Variants in SCP2 observed in about 807,000 individuals in gnomAD.
The protein encoded by SCP2 is sterol carrier protein 2, also known as SCP-2/3-oxoacyl-CoA thiolase.
SCP2 carries 48 observed loss-of-function variants against 71.4 expected under a neutral mutation model. That is an observed-to-expected ratio of 0.67 (90% CI 0.53 to 0.86). The LOEUF is 0.86. Ranked by LOEUF, SCP2 falls within the 40% of genes least tolerant of loss-of-function variation. The pLI is 0.00. For missense variants in SCP2, 560 were observed against 655.6 expected (o/e 0.85, Z 1.59); for synonymous variants, 220 against 218.1 (o/e 1.01, Z -0.08).
At chr1:53,037,875 TACATACACACACAC>T (rs1663073022) in intron 13 of SCP2, among the ~76,000 whole-genome samples, 2 of 96,538 alleles carry the variant, frequency 2.1e-5, no homozygotes, top group African/African-American at 9.4e-5. Context: ...ATCCTGTCTC[TACATACACACACAC>T]ACACACACAC....
Position 53,037,964 on chromosome 1 carries a change from C to T in SCP2, c.1339-953C>T, listed in dbSNP as rs1031131337. Among the ~76,000 whole-genome samples the T allele has an allele frequency of 4.3e-5, 4 of 92,578 alleles. No homozygotes were observed. In the East Asian group the frequency reaches 1.4e-3, roughly 32 times the overall value. The allele number at this position is 92,578 out of a possible 152,430, so 60.7% of individuals were successfully genotyped here. A position where few individuals can be genotyped will look rare whatever the true frequency, so the allele number is the denominator to read the frequency against. On this transcript the variant is annotated intron_variant, in intron 13 of 15. Transcript: ENST00000371514. ...TCCTGTCTCTATACACACACACACA[C>T]ACACACACACACACACACACACACA...
chr1:52,947,645 C>T (rs1215340716), intron 2 of SCP2, among the ~76,000 whole-genome samples: 2 of 152,150 alleles, frequency 1.3e-5, no homozygotes, highest in South Asian at 2.1e-4. Flanking sequence ...CCAGTAATGA[C>T]AGTCTTTCTC....
At chr1:52,960,580 ATATG>A (rs1177400230) in intron 5 of SCP2, among the ~76,000 whole-genome samples, 2 of 147,156 alleles carry the variant, frequency 1.4e-5, no homozygotes, top group East Asian at 2.0e-4. Context: ...ATATATGTAT[ATATG>A]TATGTATATG....
At chr1:53,031,137 TA>T (rs530186192) in intron 13 of SCP2, among the ~76,000 whole-genome samples, 22 of 149,698 alleles carry the variant, frequency 1.5e-4, no homozygotes, top group Admixed American at 5.3e-4. Flanking sequence ...CTATTCCATC[TA>T]AAAAAAAAAT....
chr1:53,037,690 C>CA (rs1553155220), intron 13 of SCP2, among the ~76,000 whole-genome samples: 1 of 151,706 alleles, frequency 6.6e-6, no homozygotes, highest in Non-Finnish European at 1.5e-5. Flanking sequence ...TGAACAACAA[C>CA]AAAAAAGGCC....
chr1:53,024,943 C>T (rs1029586341), intron 12 of SCP2, among the ~76,000 whole-genome samples: 10 of 152,040 alleles, frequency 6.6e-5, no homozygotes, highest in African/African-American at 2.4e-4. Flanking sequence ...CCAAAAAAAT[C>T]CCACAACTCT....
At chr1:52,934,439 A>C (rs986683321) in intron 1 of SCP2, among the ~76,000 whole-genome samples, 1 of 151,920 alleles carries the variant, frequency 6.6e-6, no homozygotes, top group African/African-American at 2.4e-5. Context: ...AAAAAAACCA[A>C]TGGATGATGT....
intron 11 of SCP2, among the ~76,000 whole-genome samples, chr1:52,998,790 C>T (rs535696631): frequency 6.6e-6 from 1 of 152,306 alleles, no homozygotes; most frequent in South Asian, 2.1e-4. Flanking sequence ...GAGACTGCCT[C>T]TTTTCCTTCA....
intron 6 of SCP2, among the ~76,000 whole-genome samples, chr1:52,969,937 T>A (rs1404206879): frequency 6.6e-6 from 1 of 152,256 alleles, no homozygotes; most frequent in Non-Finnish European, 1.5e-5. Flanking sequence ...TCATTCCTTT[T>A]TACTGCTTAA....
intron 6 of SCP2, among the ~76,000 whole-genome samples, chr1:52,970,273 G>T (rs900920752): frequency 3.9e-5 from 6 of 152,060 alleles, no homozygotes; most frequent in Non-Finnish European, 8.8e-5. Flanking sequence ...TAGTAGAATG[G>T]GGTCTTGCAA....
chr1:53,048,037 C>T (rs376128848), intron 15 of SCP2, 100 bp downstream of exon 15: 4 of 825,786 alleles, frequency 4.8e-6, no homozygotes, highest in South Asian at 2.7e-5. Flanking sequence ...TGGTCAGACT[C>T]ACAAAACTCA....
rs534033358 is a variant in SCP2, at chr1:53,047,892, C to T, written c.1503C>T (p.Asp501=). The change falls in exon 15 of 16, where the codon GAC becomes GAT. Residue 501 remains aspartate, a synonymous_variant. Coordinates refer to ENST00000371514, the MANE Select transcript of SCP2 (RefSeq NM_002979.5). ...CTGACTGCACAATCACAATGGCTGA[C>T]TCAGACTTCCTGGCTTTAATGACTG... ...KKADCTITMA[D]SDFLALMTGK... 1.2e-5 allele frequency: 20 copies of T among 1,613,584 alleles called. No homozygotes were observed. Among genetic ancestry groups the T allele is most frequent in the Non-Finnish European group, 1.7e-5 (20 of 1,179,484 alleles).
chr1:52,980,084 C>A (rs1658348979), intron 9 of SCP2, among the ~76,000 whole-genome samples: 1 of 152,026 alleles, frequency 6.6e-6, no homozygotes, highest in East Asian at 1.9e-4. Context: ...AACGATCCTC[C>A]CAGCTCAGCC....
At position 53,028,010 on chromosome 1, in the gene SCP2, C is replaced by T. The variant is rs1662256967; in HGVS notation, c.1277C>T (p.Ser426Phe). The T allele has an allele frequency of 6.2e-7, 1 of 1,612,160 alleles. No homozygotes were observed. Among genetic ancestry groups the T allele is most frequent in the South Asian group, 1.1e-5 (1 of 91,026 alleles). The change falls in exon 13 of 16, where the codon TCT becomes TTT. Residue 426 changes from serine to phenylalanine, a missense_variant. Physicochemically the swap from Ser to Phe is radical, Grantham distance 155. Transcript: ENST00000371514. ...CAAATTGAAGCTGTTCCAACCAGCT[C>T]TGCAAGTGATGGATTTAAGGCAAAT... ...THQIEAVPTSSASDGFKANLV... is the reference protein window; with the variant it reads ...THQIEAVPTSFASDGFKANLV...
chr1:53,005,570 G>T (rs142654963), intron 11 of SCP2, among the ~76,000 whole-genome samples: 2,838 of 152,316 alleles, frequency 0.019, 328 homozygotes, highest in Admixed American at 0.17. Context: ...CTGACTGTTA[G>T]AAGGAAAATT....
intron 12 of SCP2, among the ~76,000 whole-genome samples, chr1:53,022,894 A>G (rs1253936899): frequency 6.6e-6 from 1 of 152,108 alleles, no homozygotes; most frequent in African/African-American, 2.4e-5. Flanking sequence ...TGAGTAGGTT[A>G]TTTGCTGGTT....
In SCP2 at chr1:52,947,980, T is replaced by C. The variant is rs375708269; in HGVS notation, c.128-29T>C. 67 of 1,551,414 alleles carry C rather than the reference T, an allele frequency of 4.3e-5. No individual in the cohort carries two copies. The African/African-American group carries it at 7.7e-4, about 18-fold the overall frequency. On this transcript the variant is annotated intron_variant, in intron 2 of 15. Coordinates refer to ENST00000371514, the MANE Select transcript of SCP2 (RefSeq NM_002979.5). Reference sequence around the variant, plus strand: ...CTCCTAAAACAAATACTTAAAGCACTTTTTGATAAAAACCTTTCGTTTTTA... The same window carrying C: ...CTCCTAAAACAAATACTTAAAGCACCTTTTGATAAAAACCTTTCGTTTTTA...
At chr1:53,029,486 C>A (rs775183619) in intron 13 of SCP2, among the ~76,000 whole-genome samples, 1 of 152,144 alleles carries the variant, frequency 6.6e-6, no homozygotes, top group African/African-American at 2.4e-5. Context: ...GCCATAATCA[C>A]AATGCAAATT....
chr1:52,995,088 G>A (rs1659830615), intron 11 of SCP2: 1 of 499,588 alleles, frequency 2.0e-6, no homozygotes, highest in Non-Finnish European at 4.0e-6. Flanking sequence ...ATGTGGTGCA[G>A]GAGGAGTAAG....
Sources: gnomAD v4.1 joint callset for allele counts (sites outside exome capture counted in the v4.1 genomes callset) on GRCh38, gnomAD v4.1.1 for gene constraint, MANE v1.5 for transcripts, NCBI Gene and HGNC (gene_info 2026-07-23, HGNC 2026-07-21) for gene names.